DTHD1: variants seen among roughly 807,000 people sequenced by gnomAD.
The protein encoded by DTHD1 is death domain-containing protein 1.
In DTHD1, 59 loss-of-function variants were observed where a neutral mutation model predicts 74.8. The observed-to-expected ratio is 0.79, with a 90% confidence interval of 0.64 to 0.98. The LOEUF is 0.98. Ranked by LOEUF, DTHD1 falls within the 50% of genes least tolerant of loss-of-function variation. The pLI is 0.00. For synonymous variants in DTHD1, 365 were observed against 371.1 expected (o/e 0.98, Z 0.19); for missense variants, 1,051 against 1,065.4 (o/e 0.99, Z 0.19).
At position 36,343,622 on chromosome 4, in the gene DTHD1, A is replaced by G. The variant is rs1027028687; in HGVS notation, c.2519A>G (p.Asn840Ser). ...ACCATTCAGCTCATCAAACTCAAGAACCCTGATGATCTCACAGAACAGATC... is the reference window on the plus strand; with the variant it reads ...ACCATTCAGCTCATCAAACTCAAGAGCCCTGATGATCTCACAGAACAGATC... ...RSTIQLIKLK[N>S]PDDLTEQIHE... The change falls in exon 10 of 10, where the codon AAC (asparagine) becomes AGC (serine). Residue 840 changes from asparagine (N) to serine (S), a missense_variant. Transcript: ENST00000639862. 5.2e-6 allele frequency: 8 copies of G among 1,551,774 alleles called. No homozygotes were observed. Among genetic ancestry groups the G allele is most frequent in the Non-Finnish European group, 7.0e-6 (8 of 1,146,956 alleles).
At chr4:36,321,961 G>C (rs931169026) in intron 8 of DTHD1, among the ~76,000 whole-genome samples, 3 of 152,024 alleles carry the variant, frequency 2.0e-5, no homozygotes, top group Non-Finnish European at 4.4e-5. Context: ...TCCCCTTGCT[G>C]GAATGTTCTT....
In DTHD1 at chr4:36,314,190, A is replaced by C. The variant is rs74336325; in HGVS notation, c.2096-2052A>C. On this transcript the variant is annotated intron_variant, in intron 7 of 9. Coordinates refer to ENST00000639862, the MANE Select transcript of DTHD1 (RefSeq NM_001170700.3). ...GTTATTCTATTTCTAGATTTAACTG[A>C]GCTTTAGAAAAATCACCAAAATGAT... Among the ~76,000 whole-genome samples the C allele has an allele frequency of 8.7e-4, 132 of 151,690 alleles. No homozygotes were observed. The East Asian group carries it at 0.021, about 24-fold the overall frequency.
chr4:36,291,631 C>T (rs190217709), intron 3 of DTHD1, among the ~76,000 whole-genome samples: 3 of 152,248 alleles, frequency 2.0e-5, no homozygotes, highest in Admixed American at 2.0e-4. Flanking sequence ...GAGTTCAAGA[C>T]CAGCCTGACT....
At chr4:36,335,606 T>C (rs1309939864) in intron 8 of DTHD1, among the ~76,000 whole-genome samples, 1 of 152,212 alleles carries the variant, frequency 6.6e-6, no homozygotes, top group African/African-American at 2.4e-5. Context: ...TGAGATATAC[T>C]TTCCTGGCCC....
chr4:36,335,862 G>A (rs1401548675), intron 8 of DTHD1, among the ~76,000 whole-genome samples: 3 of 152,198 alleles, frequency 2.0e-5, no homozygotes, highest in Non-Finnish European at 4.4e-5. Context: ...CTATAATTAG[G>A]GAGCATGGAA....
At chr4:36,289,505 T>C (rs774950821) in intron 2 of DTHD1, among the ~76,000 whole-genome samples, 1 of 152,128 alleles carries the variant, frequency 6.6e-6, no homozygotes, top group African/African-American at 2.4e-5. Context: ...TGTGGGATCT[T>C]TAAAAGAAAG....
At position 36,284,140 on chromosome 4, in the gene DTHD1, G is replaced by T. The variant is rs1190168085; in HGVS notation, c.436G>T (p.Asp146Tyr). ...MSSIQDTKAA[D>Y]IAARGELNVI... ...CTCCATTCAAGATACCAAAGCAGCA[G>T]ACATTGCTGCAAGAGGGGAACTAAA... Residue 146 changes from aspartate (D) to tyrosine (Y), a missense_variant, in exon 2 of 10, where the codon GAC becomes TAC. Asp to Tyr is a radical substitution (Grantham distance 160). Transcript: ENST00000639862. 1.3e-6 allele frequency: 2 copies of T among 1,537,210 alleles called. No homozygotes were observed. The highest frequency in any genetic ancestry group is 2.4e-5 in the South Asian group (2 of 84,064).
At chr4:36,326,136 C>T (rs1026578418) in intron 8 of DTHD1, among the ~76,000 whole-genome samples, 4 of 152,094 alleles carry the variant, frequency 2.6e-5, no homozygotes, top group African/African-American at 9.7e-5. Context: ...ACTCTTCCCA[C>T]GGGCTGCCAT....
At chr4:36,296,808 T>G (rs985519713) in intron 5 of DTHD1, among the ~76,000 whole-genome samples, 10 of 152,094 alleles carry the variant, frequency 6.6e-5, no homozygotes, top group African/African-American at 2.4e-4. Flanking sequence ...TACTATGCTT[T>G]ATATAGTTGA....
At chr4:36,322,543 G>A (rs1002657772) in intron 8 of DTHD1, among the ~76,000 whole-genome samples, 3 of 151,960 alleles carry the variant, frequency 2.0e-5, no homozygotes, top group African/African-American at 7.3e-5. Flanking sequence ...AGTGGGAGAC[G>A]CAGCAAGTTC....
chr4:36,317,330 C>T (rs1757792723), intron 8 of DTHD1, among the ~76,000 whole-genome samples: 2 of 152,100 alleles, frequency 1.3e-5, no homozygotes, highest in Non-Finnish European at 2.9e-5. Flanking sequence ...ATAATACATG[C>T]CCTAAAGCTG....
At position 36,316,485 on chromosome 4, in the gene DTHD1, A is replaced by G. The variant is rs1006121164; in HGVS notation, c.2339A>G (p.Lys780Arg). The change falls in exon 8 of 10, where the codon AAG (lysine) becomes AGG (arginine). Residue 780 changes from lysine (K) to arginine (R), a missense_variant and splice_region_variant. Coordinates refer to ENST00000639862, the MANE Select transcript of DTHD1 (RefSeq NM_001170700.3). ...TGCAAATTACCATTGAAATTGCCAA[A>G]GGTGAGTTATTTTACTTTTCTAATT... is the stretch of plus-strand genomic sequence containing the variant. ...PICKLPLKLP[K>R]HKKLINRPQS... 6.5e-7 allele frequency: 1 copy of G among 1,545,536 alleles called. No homozygotes were observed. The highest frequency in any genetic ancestry group is 8.7e-7 in the Non-Finnish European group (1 of 1,145,362).
Position 36,284,371 on chromosome 4 carries a change from CA to C in DTHD1, c.670del (p.Ile224Ter). On this transcript the variant is annotated frameshift_variant, in exon 2 of 10. Transcript: ENST00000639862. LOFTEE classifies it high-confidence loss of function. ...TAATGCAGAAAATGAAGATGATAAA[CA>C]AATAGAACACATGACTGTTGAGAAC... ...PDNAENEDDK[Q>X]IEHMTVENIN... 1 of 1,536,934 alleles carries C rather than the reference CA, an allele frequency of 6.5e-7. No homozygotes were observed. Among genetic ancestry groups the C allele is most frequent in the African/African-American group, 1.4e-5 (1 of 73,124 alleles).
At position 36,343,646 on chromosome 4, in the gene DTHD1, T is replaced by G; in HGVS notation, c.2543T>G (p.Ile848Ser). Residue 848 changes from isoleucine to serine, a missense_variant, in exon 10 of 10, where the codon ATC becomes AGC. By Grantham distance (142) the Ile-to-Ser change is moderately radical (BLOSUM62 -2). Coordinates refer to ENST00000639862, the MANE Select transcript of DTHD1 (RefSeq NM_001170700.3). Reference protein sequence around the residue: ...LKNPDDLTEQIHEFLCFWKKS... With the variant: ...LKNPDDLTEQSHEFLCFWKKS... ...AACCCTGATGATCTCACAGAACAGA[T>G]CCACGAGTTTCTTTGCTTCTGGAAA... The G allele has an allele frequency of 6.4e-7, 1 of 1,551,872 alleles. No individual in the cohort carries two copies. The highest frequency in any genetic ancestry group is 1.7e-4 in the Middle Eastern group (1 of 5,990).
At chr4:36,340,810 G>C (rs1052605204) in intron 9 of DTHD1, among the ~76,000 whole-genome samples, 13 of 152,206 alleles carry the variant, frequency 8.5e-5, no homozygotes, top group African/African-American at 3.1e-4. Flanking sequence ...CATTCATTGA[G>C]GGGTGAGGAC....
At chr4:36,319,195 C>T (rs1757921502) in intron 8 of DTHD1, among the ~76,000 whole-genome samples, 1 of 152,186 alleles carries the variant, frequency 6.6e-6, no homozygotes, top group Non-Finnish European at 1.5e-5. Flanking sequence ...AAAGCAAACT[C>T]CATGAATGAA....
intron 9 of DTHD1, among the ~76,000 whole-genome samples, chr4:36,342,916 T>TAAAAAA (rs1759397753): frequency 4.7e-5 from 1 of 21,254 alleles, no homozygotes; most frequent in African/African-American, 4.1e-4. Context: ...CTACTAAAAA[T>TAAAAAA]ACAAAAAAAA....
rs555225808 is a variant in DTHD1, at chr4:36,344,801, T to C, written c.*977T>C. 6.6e-6 allele frequency: 1 copy of C among 152,258 alleles called. No individual in the cohort carries two copies. Among genetic ancestry groups the C allele is most frequent in the East Asian group, 1.9e-4 (1 of 5,184 alleles). 9.4% of individuals were successfully genotyped at this position (152,258 alleles called of 1,614,324 possible). On this transcript the variant is annotated 3_prime_UTR_variant, in exon 10 of 10. Transcript: ENST00000639862. ...GGCTTGTTCAGATAGTTGGGAGACT[T>C]AGAATTTTATTTTTGGTTGACTCAG...
intron 8 of DTHD1, among the ~76,000 whole-genome samples, chr4:36,324,845 T>A (rs1449699714): frequency 1.3e-5 from 2 of 152,226 alleles, no homozygotes; most frequent in African/African-American, 4.8e-5. Context: ...TAGTAAGATG[T>A]TAAATGCTAG....
Sources: allele counts gnomAD v4.1 joint callset (sites outside exome capture counted in the v4.1 genomes callset), GRCh38; gene constraint gnomAD v4.1.1; transcripts MANE v1.5; gene names NCBI Gene and HGNC (gene_info 2026-07-23, HGNC 2026-07-21).